The following BOC variants were observed in gnomAD, a reference collection of about 807,000 sequenced individuals.
BOC encodes the protein brother of CDO.
A neutral mutation model predicts 112.0 loss-of-function variants in BOC; 76 were observed. The observed-to-expected ratio is 0.68, with a 90% CI of 0.56 to 0.82. The LOEUF is 0.82. BOC is among the 40% of genes least tolerant of loss of function. The pLI, the probability that BOC is intolerant of heterozygous loss-of-function variation, is 0.00. For synonymous variants in BOC, 580 were observed against 599.8 expected (o/e 0.97, Z 0.48); for missense variants, 1,309 against 1,511.7 (o/e 0.87, Z 2.22).
At chr3:113,252,728 C>A (rs1244717844) in intron 4 of BOC, among the ~76,000 whole-genome samples, 1 of 152,168 alleles carries the variant, frequency 6.6e-6, no homozygotes, top group Admixed American at 6.5e-5. Flanking sequence ...GCCAGGCTGA[C>A]ACTGGGCTGC....
chr3:113,230,753 A>G (rs1942479815), intron 2 of BOC, among the ~76,000 whole-genome samples: 1 of 152,216 alleles, frequency 6.6e-6, no homozygotes, highest in South Asian at 2.1e-4. Context: ...AATAAATCTC[A>G]GTGATTTTTA....
chr3:113,264,747 T>C (rs1432844155), intron 4 of BOC, among the ~76,000 whole-genome samples: 1 of 152,076 alleles, frequency 6.6e-6, no homozygotes, highest in Non-Finnish European at 1.5e-5. Context: ...GATCCCTTAG[T>C]GAAACTCAAG....
intron 2 of BOC, among the ~76,000 whole-genome samples, chr3:113,233,148 GGTGTGTGT>G (rs59444901): frequency 0.037 from 4,620 of 123,982 alleles, 132 homozygotes; most frequent in Middle Eastern, 0.075. Context: ...AAAGGATTGG[GGTGTGTGT>G]GTGTGTGTGT....
At chr3:113,232,570 T>TGA (rs1576355610) in intron 2 of BOC, among the ~76,000 whole-genome samples, 2 of 99,436 alleles carry the variant, frequency 2.0e-5, no homozygotes, top group Non-Finnish European at 4.2e-5. Flanking sequence ...CGAGTGTGTG[T>TGA]GTGTGTGTGT....
chr3:113,262,775 C>G (rs913518387), intron 4 of BOC, among the ~76,000 whole-genome samples: 9 of 152,188 alleles, frequency 5.9e-5, no homozygotes, highest in Non-Finnish European at 1.0e-4. Flanking sequence ...TATGGTCCCT[C>G]AAGTGACTTG....
intron 6 of BOC, chr3:113,271,694 C>T (rs1466407719): frequency 5.9e-6 from 1 of 170,240 alleles, no homozygotes; most frequent in African/African-American, 2.4e-5. Flanking sequence ...CTGGGTGTGT[C>T]CCTGGTTGGC....
chr3:113,268,347 A>C lies in BOC; in HGVS notation c.425A>C (p.Glu142Ala), dbSNP rs968560320. The change falls in exon 5 of 20, where the codon GAG becomes GCG. Residue 142 changes from glutamate to alanine, a missense_variant. Glu to Ala is a moderately radical substitution (Grantham distance 107, BLOSUM62 -1). Transcript: ENST00000682979. ...GTGCAGCACGTGATTGAAGTGGATG[A>C]GGGAAACACAGCAGTCATTGCCTGC... ...LDVQHVIEVD[E>A]GNTAVIACHL... 6.2e-7 allele frequency: 1 copy of C among 1,614,018 alleles called. No homozygotes were observed. Among genetic ancestry groups the C allele is most frequent in the African/African-American group, 1.3e-5 (1 of 74,938 alleles).
intron 2 of BOC, among the ~76,000 whole-genome samples, chr3:113,234,539 A>G (rs1943156860): frequency 1.3e-5 from 2 of 152,152 alleles, no homozygotes; most frequent in Admixed American, 1.3e-4. Flanking sequence ...GGTATAATAG[A>G]AAGATGTTGT....
At chr3:113,217,397 T>A (rs1381304841) in intron 2 of BOC, among the ~76,000 whole-genome samples, 2 of 152,094 alleles carry the variant, frequency 1.3e-5, no homozygotes, top group South Asian at 4.1e-4. Flanking sequence ...CGTGGTGGCA[T>A]GCGCCTGTAA....
At chr3:113,258,711 G>A (rs1946495331) in intron 4 of BOC, among the ~76,000 whole-genome samples, 1 of 152,260 alleles carries the variant, frequency 6.6e-6, no homozygotes. Flanking sequence ...AGCTGGGGCA[G>A]AGTGTGAGCC....
intron 18 of BOC, 134 bp downstream of exon 18, chr3:113,284,992 C>G (rs186383009): frequency 4.1e-4 from 304 of 746,882 alleles, no homozygotes; most frequent in Non-Finnish European, 6.4e-4. Flanking sequence ...GACAATCATG[C>G]TCCTCTGAAC....
At chr3:113,280,806 A>G (rs1367677913) in intron 14 of BOC, 143 bp downstream of exon 14, 2 of 860,954 alleles carry the variant, frequency 2.3e-6, no homozygotes, top group African/African-American at 3.4e-5. Flanking sequence ...TCATTGACTC[A>G]TTCATAATAC....
intron 4 of BOC, among the ~76,000 whole-genome samples, chr3:113,260,250 TA>T (rs1293958366): frequency 6.6e-6 from 1 of 152,224 alleles, no homozygotes; most frequent in Non-Finnish European, 1.5e-5. Flanking sequence ...ATACACAGGG[TA>T]AATTAACAAT....
At chr3:113,220,710 T>C (rs146121673) in intron 2 of BOC, among the ~76,000 whole-genome samples, 1 of 152,304 alleles carries the variant, frequency 6.6e-6, no homozygotes, top group African/African-American at 2.4e-5. Context: ...GGCATTTTGG[T>C]CGTGTTGTCA....
At chr3:113,211,128 T>C (rs1194545554), upstream of BOC, 2 of 152,266 alleles carry the variant, frequency 1.3e-5, no homozygotes, top group African/African-American at 4.8e-5. Flanking sequence ...TCCAACAGTT[T>C]GTCTTGCAGA....
intron 4 of BOC, 23 bp from the exon 5 acceptor site, chr3:113,268,276 A>G: frequency 6.2e-7 from 1 of 1,613,662 alleles, no homozygotes; most frequent in Non-Finnish European, 8.5e-7. Context: ...TCCTCCAACC[A>G]GCACCTTCCC....
intron 4 of BOC, among the ~76,000 whole-genome samples, chr3:113,256,405 G>A (rs925919476): frequency 6.6e-6 from 1 of 152,200 alleles, no homozygotes; most frequent in African/African-American, 2.4e-5. Context: ...GTGTCATGGT[G>A]CATTGTCAGT....
intron 4 of BOC, among the ~76,000 whole-genome samples, chr3:113,255,138 A>G (rs956314371): frequency 1.3e-5 from 2 of 152,160 alleles, no homozygotes; most frequent in Non-Finnish European, 1.5e-5. Context: ...CTTGCTGCCA[A>G]TGCCCTGCTT....
At chr3:113,258,702 G>A (rs980110397) in intron 4 of BOC, among the ~76,000 whole-genome samples, 1 of 152,260 alleles carries the variant, frequency 6.6e-6, no homozygotes, top group Admixed American at 6.5e-5. Context: ...GAGATTTGCA[G>A]CTGGGGCAGA....
Sources: allele counts gnomAD v4.1 joint callset (sites outside exome capture counted in the v4.1 genomes callset), GRCh38; gene constraint gnomAD v4.1.1; transcripts MANE v1.5; gene names NCBI Gene and HGNC (gene_info 2026-07-23, HGNC 2026-07-21).